The following MAD1L1 variants were observed in gnomAD, a reference collection of about 807,000 sequenced individuals.
MAD1L1 encodes the protein mitotic spindle assembly checkpoint protein MAD1.
In MAD1L1, 95 loss-of-function variants were observed where a neutral mutation model predicts 96.9. The observed-to-expected ratio is 0.98, with a 90% CI of 0.83 to 1.16. The LOEUF is 1.16. Among genes scored for constraint, MAD1L1 ranks in the 50% most tolerant of loss-of-function variants. The probability of loss-of-function intolerance (pLI) is 0.00; values close to 1 mark genes in which losing one functional copy is unlikely to be tolerated. For missense variants in MAD1L1, 1,007 were observed against 954.4 expected, an observed-to-expected ratio of 1.06 and a Z score of -0.73; for synonymous variants, 473 against 396.6, an observed-to-expected ratio of 1.19 and a Z score of -2.29.
Position 2,219,424 on chromosome 7 carries a change from T to C in MAD1L1, c.504A>G (p.Glu168=), listed in dbSNP as rs1443306758. ...CCTGGTCCATCACGCTCCACTGCAG[T>C]TCCGAGATCCTCCCCTTCAGTGCGT... ...TINALKGRIS[E]LQWSVMDQEM... is the part of the protein sequence containing the mutation. Residue 168 remains glutamate, a synonymous_variant, in exon 6 of 19, where the codon GAA becomes GAG. Transcript: ENST00000265854. The C allele has an allele frequency of 1.2e-6, 2 of 1,612,796 alleles. No homozygotes were observed. Among genetic ancestry groups the C allele is most frequent in the South Asian group, 2.2e-5 (2 of 90,864 alleles).
At position 2,057,251 on chromosome 7, in the gene MAD1L1, C is replaced by A. The variant is rs767547541; in HGVS notation, c.1218+11943G>T. ...AGTAAGAATCTGGGGAATGACCGAG[C>A]GCGGTGCCTCATGCCTGTAATCCCA... On this transcript the variant is annotated intron_variant, in intron 12 of 18. Transcript: ENST00000265854. 3.3e-5 allele frequency among the ~76,000 whole-genome samples: 5 copies of A among 152,318 alleles called. No individual in the cohort carries two copies. In the East Asian group the frequency reaches 9.7e-4, roughly 29 times the overall value.
At chr7:2,080,832 C>A (rs1318752432) in intron 11 of MAD1L1, among the ~76,000 whole-genome samples, 2 of 152,148 alleles carry the variant, frequency 1.3e-5, no homozygotes, top group Non-Finnish European at 2.9e-5. Flanking sequence ...GGGAGGGAGA[C>A]GTTTTCGCCT....
intron 12 of MAD1L1, among the ~76,000 whole-genome samples, chr7:2,043,930 G>A (rs906017411): frequency 1.3e-5 from 2 of 152,242 alleles, no homozygotes; most frequent in African/African-American, 4.8e-5. Context: ...GGGTGTGGGT[G>A]GCGGCCGCGG....
intron 17 of MAD1L1, among the ~76,000 whole-genome samples, chr7:1,909,545 C>A (rs1414394406): frequency 6.6e-6 from 1 of 152,186 alleles, no homozygotes; most frequent in Admixed American, 6.5e-5. Flanking sequence ...TGGGGACGCA[C>A]CTGTAGGCTG....
intron 17 of MAD1L1, among the ~76,000 whole-genome samples, chr7:1,927,195 A>G (rs6959688): frequency 0.36 from 55,250 of 151,886 alleles, 10,109 homozygotes; most frequent in Middle Eastern, 0.41. Context: ...GTGGGTGGGT[A>G]CGGTGAAAAC....
chr7:1,905,506 T>C (rs1356901668), intron 17 of MAD1L1, among the ~76,000 whole-genome samples: 1 of 151,746 alleles, frequency 6.6e-6, no homozygotes, highest in Non-Finnish European at 1.5e-5. Flanking sequence ...GATGAAGCAC[T>C]GTTCCAGGCA....
chr7:1,841,647 G>C (rs60481999), intron 18 of MAD1L1, among the ~76,000 whole-genome samples: 7,603 of 152,306 alleles, frequency 0.05, 431 homozygotes, highest in African/African-American at 0.14. Context: ...CAGTGGCTGA[G>C]GCCGGTGGGG....
At chr7:2,207,753 C>A (rs1047696136) in intron 10 of MAD1L1, among the ~76,000 whole-genome samples, 1 of 152,202 alleles carries the variant, frequency 6.6e-6, no homozygotes, top group East Asian at 1.9e-4. Flanking sequence ...TAGCAGGGGC[C>A]TCGTTTAACA....
chr7:1,966,904 G>A (rs770054023), intron 15 of MAD1L1, among the ~76,000 whole-genome samples: 4 of 152,268 alleles, frequency 2.6e-5, no homozygotes, highest in East Asian at 1.9e-4. Flanking sequence ...GAGGGAAACC[G>A]TGAGGAATCG....
rs28718536 is a variant in MAD1L1 at position 2,033,936 on chromosome 7, T to A, written c.1219-19294A>T. 3.6e-4 allele frequency among the ~76,000 whole-genome samples: 54 copies of A among 151,888 alleles called. No individual in the cohort carries two copies. In the South Asian group the frequency reaches 5.6e-3, roughly 16 times the overall value. ...TGAGACCCCATCTCTACAAAAAAAATTTTTTTTTAATTAGCCAGGCGGGGC... is the reference window on the plus strand; with the variant it reads ...TGAGACCCCATCTCTACAAAAAAAAATTTTTTTTAATTAGCCAGGCGGGGC... On this transcript the variant is annotated intron_variant, in intron 12 of 18. Coordinates refer to ENST00000265854, the MANE Select transcript of MAD1L1 (RefSeq NM_001013836.2).
chr7:1,853,180 G>A (rs894229996), intron 18 of MAD1L1, among the ~76,000 whole-genome samples: 11 of 152,280 alleles, frequency 7.2e-5, no homozygotes, highest in East Asian at 3.9e-4. Flanking sequence ...AAGGGACTGC[G>A]GATGTCATCT....
At chr7:1,944,010 G>C (rs1478906258) in intron 16 of MAD1L1, among the ~76,000 whole-genome samples, 1 of 152,198 alleles carries the variant, frequency 6.6e-6, no homozygotes, top group Non-Finnish European at 1.5e-5. Context: ...GACCACATGG[G>C]TGAACCTTGA....
At chr7:2,191,590 G>A (rs1189326160) in intron 10 of MAD1L1, among the ~76,000 whole-genome samples, 1 of 151,874 alleles carries the variant, frequency 6.6e-6, no homozygotes, top group African/African-American at 2.4e-5. Flanking sequence ...AATTAGCTGG[G>A]CGTGGTGGCA....
intron 7 of MAD1L1, among the ~76,000 whole-genome samples, chr7:2,217,408 G>T (rs918424457): frequency 6.6e-6 from 1 of 152,218 alleles, no homozygotes; most frequent in Non-Finnish European, 1.5e-5. Flanking sequence ...CAGGCTGGGG[G>T]TGCCGGGCAG....
chr7:2,001,268 G>A (rs1396403795), intron 14 of MAD1L1, among the ~76,000 whole-genome samples: 3 of 152,290 alleles, frequency 2.0e-5, no homozygotes, highest in Non-Finnish European at 4.4e-5. Flanking sequence ...ATGGCCCAGG[G>A]CAGAACATGC....
rs150578242 is a variant in MAD1L1 at position 1,886,919 on chromosome 7, G to A, written c.1998+11281C>T. Among the ~76,000 whole-genome samples the A allele has an allele frequency of 1.8e-3, 268 of 152,376 alleles. 3 individuals carry two copies. The highest frequency in any genetic ancestry group is 0.017 in the South Asian group (82 of 4,830). On this transcript the variant is annotated intron_variant, in intron 18 of 18. Coordinates refer to ENST00000265854, the MANE Select transcript of MAD1L1 (RefSeq NM_001013836.2). ...CAGCCGGACTCCAGAAGGTGGTGCC[G>A]CAAGCTGCTTCTCTCACACAGTCCT... is the stretch of plus-strand genomic sequence containing the variant.
At position 2,103,424 on chromosome 7, in the gene MAD1L1, G is replaced by A. The variant is rs1786921475; in HGVS notation, c.1074-34086C>T. Among the ~76,000 whole-genome samples, 2 of 152,152 alleles carry A rather than the reference G, an allele frequency of 1.3e-5. No homozygotes were observed. The highest frequency in any genetic ancestry group is 2.9e-5 in the Non-Finnish European group (2 of 68,032). On this transcript the variant is annotated intron_variant, in intron 11 of 18. Transcript: ENST00000265854. This position sits in a 1 kb window ranked among gnomAD's most constrained non-coding sequence, Gnocchi z 4.3. ...TGACGTTTCTGTTTGGAAGAAGTGG[G>A]TGAGCACCTGAGAGGACAGAGGGTG...
intron 11 of MAD1L1, among the ~76,000 whole-genome samples, chr7:2,135,529 T>C (rs1450750230): frequency 3.3e-5 from 5 of 152,274 alleles, no homozygotes; most frequent in African/African-American, 9.6e-5. Flanking sequence ...CTGATAGTTA[T>C]GATTCCCCAC....
At chr7:1,894,125 C>A (rs1459480869) in intron 18 of MAD1L1, among the ~76,000 whole-genome samples, 1 of 152,208 alleles carries the variant, frequency 6.6e-6, no homozygotes, top group Non-Finnish European at 1.5e-5. Flanking sequence ...GTCCTGGATA[C>A]AAAGGAGGCA....
Sources: allele counts gnomAD v4.1 joint callset (sites outside exome capture counted in the v4.1 genomes callset), GRCh38; gene constraint gnomAD v4.1.1; non-coding constraint Gnocchi (gnomAD v3.1); transcripts MANE v1.5; gene names NCBI Gene and HGNC (gene_info 2026-07-23, HGNC 2026-07-21).